The following TACC2 variants were observed in gnomAD, a reference collection of about 807,000 sequenced individuals.
TACC2 encodes transforming acidic coiled-coil containing protein 2.
A neutral mutation model predicts 227.3 loss-of-function variants in TACC2; 137 were observed. The ratio of observed to expected loss-of-function variants is 0.60; its 90% CI spans 0.52 to 0.69. The LOEUF (loss-of-function observed/expected upper bound fraction) is 0.69, where lower values mean the gene tolerates loss of function less well. TACC2 is among the 30% of genes least tolerant of loss of function. TACC2 has a pLI of 0.00. For synonymous variants in TACC2, 1,523 were observed against 1,487.5 expected, an observed-to-expected ratio of 1.02 and a Z score of -0.55; for missense variants, 3,470 against 3,694.4, an observed-to-expected ratio of 0.94 and a Z score of 1.57.
At chr10:121,991,043 C>T (rs1953008509) in intron 1 of TACC2, among the ~76,000 whole-genome samples, 1 of 152,168 alleles carries the variant, frequency 6.6e-6, no homozygotes, top group African/African-American at 2.4e-5. Context: ...GTCTCAGCCT[C>T]CCAAAGTACT....
In TACC2 at chr10:122,086,719, G is replaced by T; in HGVS notation, c.4219G>T (p.Asp1407Tyr). The change falls in exon 4 of 23, where the codon GAC becomes TAC. Residue 1407 changes from aspartate (D) to tyrosine (Y), a missense_variant. By Grantham distance (160) the Asp-to-Tyr change is radical. Around this residue, in one of 10 missense-constraint regions of TACC2, gnomAD observed 1,924 missense variants for 1,978.3 expected, o/e 0.97. Coordinates refer to ENST00000369005, the MANE Select transcript of TACC2 (RefSeq NM_206862.4). ...AATCGCCACCCTCACTGGCTTCCCA[G>T]ACTTCAGGGAGCACATCGCCAAGAT... ...EQIATLTGFP[D>Y]FREHIAKIFE... The T allele has an allele frequency of 6.2e-7, 1 of 1,613,978 alleles. No homozygotes were observed. Among genetic ancestry groups the T allele is most frequent in the South Asian group, 1.1e-5 (1 of 91,088 alleles).
At chr10:122,022,143 G>A (rs886680084) in intron 2 of TACC2, 129 bp downstream of exon 2, 26 of 808,336 alleles carry the variant, frequency 3.2e-5, no homozygotes, top group African/African-American at 5.1e-5. Context: ...AGATGTGTGC[G>A]GGCATTTATG....
intron 3 of TACC2, among the ~76,000 whole-genome samples, chr10:122,067,746 T>A (rs937168979): frequency 6.6e-6 from 1 of 152,196 alleles, no homozygotes; most frequent in Non-Finnish European, 1.5e-5. Context: ...CCTCAAGTGA[T>A]CCACCCGCCT....
At position 122,241,988 on chromosome 10, in the gene TACC2, C is replaced by T. The variant is rs768612291; in HGVS notation, c.8379C>T (p.Ile2793=). 16 of 1,614,074 alleles carry T rather than the reference C, an allele frequency of 9.9e-6. No homozygotes were observed. Among genetic ancestry groups the T allele is most frequent in the Non-Finnish European group, 1.1e-5 (13 of 1,180,010 alleles). Residue 2793 remains isoleucine, a synonymous_variant, in exon 19 of 23, where the codon ATC becomes ATT. Coordinates refer to ENST00000369005, the MANE Select transcript of TACC2 (RefSeq NM_206862.4). Reference sequence around the variant, plus strand: ...TAGTGGCCGAGTATGAGAAGACCATCGCTCAGATGATAGGTAGGTGTCCTG... The same window carrying T: ...TAGTGGCCGAGTATGAGAAGACCATTGCTCAGATGATAGGTAGGTGTCCTG... The part of the protein sequence containing the change: ...RKIVAEYEKT[I]AQMIEDEQRE...
chr10:122,162,443 T>C (rs534761385), intron 7 of TACC2, among the ~76,000 whole-genome samples: 51 of 152,220 alleles, frequency 3.4e-4, no homozygotes, highest in Non-Finnish European at 7.2e-4. Flanking sequence ...GAAGACAAGC[T>C]GGGAAATGTG....
At position 122,050,468 on chromosome 10, in the gene TACC2, G is replaced by T; in HGVS notation, c.64G>T (p.Ala22Ser). The change falls in exon 3 of 23, where the codon GCG becomes TCG. Residue 22 changes from alanine to serine, a missense_variant. Ala to Ser is a moderately conservative substitution (Grantham distance 99, BLOSUM62 1). Around this residue, in one of 10 missense-constraint regions of TACC2, gnomAD observed 405 missense variants for 389.6 expected, o/e 1.04. Transcript: ENST00000369005. The surrounding 1 kb of genome is among the most constrained non-coding windows in gnomAD (Gnocchi z 4.6). ...TTTATCAGCTCAGACTCCAAGGTCC[G>T]CGCAGCCACCCGGGAACAGTCAGAA... ...RTLSAQTPRS[A>S]QPPGNSQNIK... is the part of the protein sequence containing the mutation. 6.2e-7 allele frequency: 1 copy of T among 1,613,926 alleles called. No homozygotes were observed. The highest frequency in any genetic ancestry group is 1.1e-5 in the South Asian group (1 of 91,062).
At chr10:122,155,985 C>T (rs559133187) in intron 7 of TACC2, among the ~76,000 whole-genome samples, 55 of 148,444 alleles carry the variant, frequency 3.7e-4, no homozygotes, top group African/African-American at 1.2e-3. Context: ...CTACAGGCGC[C>T]CGCCACCACG....
chr10:122,201,990 TG>T (rs1345505289), intron 8 of TACC2, among the ~76,000 whole-genome samples: 1 of 151,704 alleles, frequency 6.6e-6, no homozygotes, highest in Non-Finnish European at 1.5e-5. Context: ...GTTAGTGGTC[TG>T]TCTTCATGCT....
chr10:122,103,229 GAAAT>G (rs1483913430), intron 5 of TACC2, among the ~76,000 whole-genome samples: 1 of 152,150 alleles, frequency 6.6e-6, no homozygotes, highest in Admixed American at 6.5e-5. Context: ...GAGTATATAA[GAAAT>G]AACCCACAGT....
At chr10:122,066,723 C>T (rs1250223301) in intron 3 of TACC2, among the ~76,000 whole-genome samples, 1 of 152,188 alleles carries the variant, frequency 6.6e-6, no homozygotes, top group Non-Finnish European at 1.5e-5. Context: ...TAGCTTTTAA[C>T]TGGAGTGTTT....
chr10:122,204,862 G>T (rs1456870927), intron 8 of TACC2, among the ~76,000 whole-genome samples: 1 of 151,956 alleles, frequency 6.6e-6, no homozygotes. Context: ...CATGCTCTAG[G>T]TGGAGCCAGG....
In TACC2 at chr10:122,043,439, ATTTC is replaced by A. The variant is rs200384284; in HGVS notation, c.34-6981_34-6978del. The stretch of plus-strand genomic sequence containing the variant: ...ACCATGTGTCTCTTTTTATAATTAG[ATTTC>A]TTTCTTTCTTTCTTTCTCTTTCTTT... On this transcript the variant is annotated intron_variant, in intron 2 of 22. Transcript: ENST00000369005. 8.6e-3 allele frequency among the ~76,000 whole-genome samples: 1,110 copies of A among 128,666 alleles called. 5 individuals carry two copies. The highest frequency in any genetic ancestry group is 0.027 in the Middle Eastern group (7 of 260). The allele number at this position is 128,666 out of a possible 152,430, so 84.4% of individuals were successfully genotyped here. A position where few individuals can be genotyped will look rare whatever the true frequency, so the allele number is the denominator to read the frequency against.
Position 122,248,928 on chromosome 10 carries a change from G to C in TACC2, c.8554-122G>C, listed in dbSNP as rs1589965485. 6 of 1,502,668 alleles carry C rather than the reference G, an allele frequency of 4.0e-6. No individual in the cohort carries two copies. The East Asian group carries it at 1.4e-4, about 34-fold the overall frequency. 93.1% of individuals were successfully genotyped at this position (1,502,668 alleles called of 1,614,324 possible). On this transcript the variant is annotated intron_variant, in intron 20 of 22. Transcript: ENST00000369005. The stretch of plus-strand genomic sequence containing the variant: ...ACCTGCGAGGAGGGGGTCCATGCAG[G>C]CTGGGGAGGCAGACTTGGCCGCCTG...
intron 2 of TACC2, among the ~76,000 whole-genome samples, chr10:122,040,392 C>A (rs1347325061): frequency 6.6e-6 from 1 of 152,154 alleles, no homozygotes; most frequent in African/African-American, 2.4e-5. Flanking sequence ...TTCATGCATC[C>A]TGACTTGTTT....
chr10:122,176,077 CTCTCTCT>C (rs2093681762), intron 7 of TACC2, among the ~76,000 whole-genome samples: 1 of 68,480 alleles, frequency 1.5e-5, no homozygotes, highest in African/African-American at 4.6e-5. Flanking sequence ...AAAACCTTCT[CTCTCTCT>C]CTCTCTCTCT....
At chr10:122,132,563 G>A in intron 5 of TACC2, 46 bp from the exon 6 acceptor site, 1 of 1,611,130 alleles carries the variant, frequency 6.2e-7, no homozygotes, top group Non-Finnish European at 8.5e-7. Context: ...ACAAAAACTT[G>A]TAGGAATGTT....
At chr10:122,147,288 G>A (rs762026742) in intron 7 of TACC2, among the ~76,000 whole-genome samples, 2 of 151,984 alleles carry the variant, frequency 1.3e-5, no homozygotes, top group Non-Finnish European at 2.9e-5. Context: ...GGGATTACAG[G>A]CTCCCGCCAC....
chr10:122,249,263 G>A (rs908817813), intron 21 of TACC2, 107 bp downstream of exon 21: 3 of 830,994 alleles, frequency 3.6e-6, no homozygotes, highest in Non-Finnish European at 5.9e-6. Flanking sequence ...TGGAAAGGGG[G>A]CATCATCCAA....
chr10:122,100,714 T>C (rs2082039103), intron 5 of TACC2, among the ~76,000 whole-genome samples: 1 of 152,160 alleles, frequency 6.6e-6, no homozygotes, highest in Admixed American at 6.5e-5. Context: ...GCATGAGCTA[T>C]AGCGCCCGAC....
Sources: allele counts gnomAD v4.1 joint callset (sites outside exome capture counted in the v4.1 genomes callset), GRCh38; gene constraint gnomAD v4.1.1; regional missense constraint gnomAD v4.1.1; non-coding constraint Gnocchi (gnomAD v3.1); transcripts MANE v1.5; gene names NCBI Gene and HGNC (gene_info 2026-07-23, HGNC 2026-07-21).